Variants in SLC16A5 observed in about 807,000 individuals in gnomAD.
The protein encoded by SLC16A5 is solute carrier family 16 member 5, also known as monocarboxylate transporter 6.
SLC16A5 carries 29 observed loss-of-function variants against 33.2 expected under a neutral mutation model. That is an observed-to-expected ratio of 0.87 (90% CI 0.65 to 1.19). The LOEUF is 1.19. Ranked by LOEUF, SLC16A5 falls within the 50% of genes most tolerant of loss-of-function variation. The pLI is 0.00. For missense variants in SLC16A5, 606 were observed against 678.2 expected (o/e 0.89, Z 1.18); for synonymous variants, 248 against 284.1 (o/e 0.87, Z 1.28).
chr17:75,104,600 C>T (rs947391472), intron 6 of SLC16A5: 5 of 553,030 alleles, frequency 9.0e-6, no homozygotes, highest in Non-Finnish European at 1.1e-5. Flanking sequence ...TACAGGCATG[C>T]GCCACCACTC....
chr17:75,094,230 C>A (rs1431318688), intron 3 of SLC16A5, among the ~76,000 whole-genome samples: 1 of 152,240 alleles, frequency 6.6e-6, no homozygotes, highest in East Asian at 1.9e-4. Flanking sequence ...GAGGGTGATG[C>A]CCGGCATCCT....
chr17:75,108,083 A>G (rs984277743), downstream of SLC16A5, among the ~76,000 whole-genome samples: 1 of 152,216 alleles, frequency 6.6e-6, no homozygotes, highest in African/African-American at 2.4e-5. Context: ...GCCTGGCGAC[A>G]GAGCGAGACT....
chr17:75,095,057 G>A (rs4789137), intron 3 of SLC16A5, among the ~76,000 whole-genome samples: 104,228 of 152,158 alleles, frequency 0.68, 36,316 homozygotes, highest in Non-Finnish European at 0.73. Flanking sequence ...CTCTGCAGGC[G>A]TGTGTCTGCT....
At chr17:75,101,919 G>A (rs532537572) in intron 5 of SLC16A5, among the ~76,000 whole-genome samples, 1 of 152,296 alleles carries the variant, frequency 6.6e-6, no homozygotes, top group East Asian at 1.9e-4. Context: ...ACAGGTGTGA[G>A]CCATTGCGCC....
In SLC16A5 at chr17:75,100,495, T is replaced by TC; in HGVS notation, c.834dup (p.Ile279HisfsTer24). On this transcript the variant is annotated frameshift_variant, in exon 5 of 7. Transcript: ENST00000329783. LOFTEE classifies it high-confidence loss of function. ...CGAGCAGCAGGCAGCCCTCCTCATC[T>TC]CCATCATCGGCTTCAGCAACATCTT... 6.2e-7 allele frequency: 1 copy of TC among 1,614,160 alleles called. No homozygotes were observed. Among genetic ancestry groups the TC allele is most frequent in the South Asian group, 1.1e-5 (1 of 91,084 alleles).
At chr17:75,092,086 G>A (rs1165945595) in intron 2 of SLC16A5, among the ~76,000 whole-genome samples, 1 of 151,860 alleles carries the variant, frequency 6.6e-6, no homozygotes, top group Non-Finnish European at 1.5e-5. Context: ...TGCACTGTGT[G>A]TGTCCGTATG....
intron 5 of SLC16A5, among the ~76,000 whole-genome samples, 154 bp downstream of exon 5, chr17:75,100,970 C>T (rs1303731927): frequency 2.0e-5 from 3 of 152,058 alleles, no homozygotes; most frequent in African/African-American, 7.2e-5. Context: ...TGGGTTTGGC[C>T]CGGCGCGGTG....
At chr17:75,104,409 G>C in intron 6 of SLC16A5, 1 of 1,049,662 alleles carries the variant, frequency 9.5e-7, no homozygotes, top group African/African-American at 1.7e-5. Flanking sequence ...GATGCCCTGA[G>C]AAACTCTTTT....
At chr17:75,092,987 G>C (rs1254409846) in intron 2 of SLC16A5, among the ~76,000 whole-genome samples, 1 of 152,056 alleles carries the variant, frequency 6.6e-6, no homozygotes, top group Non-Finnish European at 1.5e-5. Context: ...TGAGGCCCAT[G>C]CTTTCTCCAA....
chr17:75,095,639 A>C (rs576998662), intron 3 of SLC16A5, among the ~76,000 whole-genome samples: 52 of 151,280 alleles, frequency 3.4e-4, no homozygotes, highest in Middle Eastern at 3.5e-3. Context: ...CTGGGACCAC[A>C]GGTGTGCACC....
chr17:75,093,246 C>T, intron 2 of SLC16A5: 1 of 650,388 alleles, frequency 1.5e-6, no homozygotes, highest in South Asian at 1.8e-5. Context: ...ACTGAGTGGG[C>T]TAGGAGGTCC....
chr17:75,094,659 C>G (rs1189979243), intron 3 of SLC16A5, among the ~76,000 whole-genome samples: 7 of 144,696 alleles, frequency 4.8e-5, no homozygotes. Context: ...GCACTCCAGC[C>G]TGGGCAACAA....
intron 3 of SLC16A5, among the ~76,000 whole-genome samples, chr17:75,095,733 C>T (rs993054706): frequency 1.3e-5 from 2 of 151,786 alleles, no homozygotes; most frequent in Non-Finnish European, 1.5e-5. Flanking sequence ...AATCTCAGCT[C>T]GCTGTAACCT....
At chr17:75,105,209 T>C in intron 6 of SLC16A5, 6 of 985,444 alleles carry the variant, frequency 6.1e-6, no homozygotes, top group Non-Finnish European at 7.2e-6. Context: ...GCTTGGATCC[T>C]AGAATCGGTG....
downstream of SLC16A5, among the ~76,000 whole-genome samples, chr17:75,107,492 C>G (rs992734502): frequency 5.9e-5 from 9 of 152,116 alleles, no homozygotes; most frequent in African/African-American, 2.2e-4. Flanking sequence ...AAGGAGGGCC[C>G]CTCCCTGAGG....
Position 75,100,027 on chromosome 17 carries a change from T to C in SLC16A5, c.364T>C (p.Phe122Leu). The C allele has an allele frequency of 6.2e-7, 1 of 1,611,708 alleles. No homozygotes were observed. The highest frequency in any genetic ancestry group is 8.5e-7 in the Non-Finnish European group (1 of 1,179,676). ...FITGLGMCFS[F>L]QSSITVLGFY... ...CGCAGGCCTGGGCATGTGCTTCAGCTTCCAGTCAAGCATCACGGTGCTGGG... is the reference window on the plus strand; with the variant it reads ...CGCAGGCCTGGGCATGTGCTTCAGCCTCCAGTCAAGCATCACGGTGCTGGG... Residue 122 changes from phenylalanine (F) to leucine (L), a missense_variant, in exon 5 of 7, where the codon TTC becomes CTC. Phe to Leu is a conservative substitution (Grantham distance 22, BLOSUM62 0). Transcript: ENST00000329783.
Position 75,100,798 on chromosome 17 carries a change from A to G in SLC16A5, c.1135A>G (p.Ile379Val), listed in dbSNP as rs761660084. ...TGTCCTGGACGGCCTTGCTTTCCTC[A>G]TCTCCCCACCACTGGCCGGTGAGGA... Reference protein sequence around the residue: ...FTVLDGLAFLISPPLAGLLLD... With the variant: ...FTVLDGLAFLVSPPLAGLLLD... Residue 379 changes from isoleucine to valine, a missense_variant, in exon 5 of 7, where the codon ATC (isoleucine) becomes GTC (valine). Transcript: ENST00000329783. 1.9e-6 allele frequency: 3 copies of G among 1,600,612 alleles called. No homozygotes were observed. The highest frequency in any genetic ancestry group is 1.7e-6 in the Non-Finnish European group (2 of 1,171,594).
Position 75,104,164 on chromosome 17 carries a change from C to T in SLC16A5, c.1348C>T (p.Arg450Trp), listed in dbSNP as rs1219832679. 6.2e-6 allele frequency: 10 copies of T among 1,613,948 alleles called. No homozygotes were observed. Among genetic ancestry groups the T allele is most frequent in the South Asian group, 2.2e-5 (2 of 91,082 alleles). Residue 450 changes from arginine to tryptophan, a missense_variant, in exon 6 of 7, where the codon CGG becomes TGG. Coordinates refer to ENST00000329783, the MANE Select transcript of SLC16A5 (RefSeq NM_004695.4). ...AGCCAAAGACGGTCCTGGGAAGCAA[C>T]GGTCCCCTGAGATCATGTATGTAAC... The part of the protein sequence containing the change: ...LEAKDGPGKQ[R>W]SPEIMCQSSR...
chr17:75,094,556 G>C (rs906324070), intron 3 of SLC16A5, among the ~76,000 whole-genome samples: 1 of 152,204 alleles, frequency 6.6e-6, no homozygotes, highest in East Asian at 1.9e-4. Context: ...CGTGGTGGCG[G>C]GTGCCTGTAA....
Sources: gnomAD v4.1 joint callset for allele counts (sites outside exome capture counted in the v4.1 genomes callset) on GRCh38, gnomAD v4.1.1 for gene constraint, MANE v1.5 for transcripts, NCBI Gene and HGNC (gene_info 2026-07-23, HGNC 2026-07-21) for gene names.